The following MDGA2 variants were observed in gnomAD, a reference collection of about 807,000 sequenced individuals.
The protein encoded by MDGA2 is MAM domain-containing glycosylphosphatidylinositol anchor protein 2.
Under a neutral mutation model 117.8 loss-of-function variants are expected in MDGA2, and 40 were observed. That is an observed-to-expected ratio of 0.34 (90% CI 0.26 to 0.44). The LOEUF is 0.44. Among genes scored for constraint, MDGA2 ranks in the 20% least tolerant of loss-of-function variants. The pLI is 1.00. For missense variants in MDGA2, 1,123 were observed against 1,250.6 expected (o/e 0.90, Z 1.54); for synonymous variants, 452 against 439.0 (o/e 1.03, Z -0.37).
chr14:47,448,944 G>T (rs932333125), intron 1 of MDGA2, among the ~76,000 whole-genome samples: 2 of 152,098 alleles, frequency 1.3e-5, no homozygotes, highest in African/African-American at 4.8e-5. Context: ...TTGGAGAACT[G>T]GTTGCTGATA....
intron 14 of MDGA2, among the ~76,000 whole-genome samples, chr14:46,869,848 G>T (rs1306366052): frequency 6.6e-6 from 1 of 151,942 alleles, no homozygotes; most frequent in African/African-American, 2.4e-5. Flanking sequence ...CACATGGTGA[G>T]GAATTGAGGG....
At chr14:47,306,765 C>T (rs781566631) in intron 1 of MDGA2, among the ~76,000 whole-genome samples, 8 of 151,878 alleles carry the variant, frequency 5.3e-5, no homozygotes, top group Non-Finnish European at 1.2e-4. Context: ...GCAAACCATG[C>T]TGTGCCAGCA....
chr14:47,244,483 T>C (rs939693463), intron 2 of MDGA2, among the ~76,000 whole-genome samples: 6 of 151,814 alleles, frequency 4.0e-5, no homozygotes, highest in Non-Finnish European at 8.8e-5. Flanking sequence ...TGGCCACGTA[T>C]ACTAGAATAC....
At position 47,654,938 on chromosome 14, in the gene MDGA2, G is replaced by A. The variant is rs1440475918; in HGVS notation, c.280+19579C>T. On this transcript the variant is annotated intron_variant, in intron 1 of 16. Coordinates refer to ENST00000399232, the MANE Select transcript of MDGA2 (RefSeq NM_001113498.3). Reference sequence around the variant, plus strand: ...GGATAAGAGAGGCATTTTTGATGTGGGAGGACCCTCCCAGGATACAGGATT... The same window carrying A: ...GGATAAGAGAGGCATTTTTGATGTGAGAGGACCCTCCCAGGATACAGGATT... 2.0e-5 allele frequency among the ~76,000 whole-genome samples: 3 copies of A among 152,000 alleles called. No individual in the cohort carries two copies. In the East Asian group the frequency reaches 5.8e-4, roughly 29 times the overall value.
chr14:46,988,721 G>A (rs1317930901), intron 8 of MDGA2, among the ~76,000 whole-genome samples: 2 of 152,070 alleles, frequency 1.3e-5, no homozygotes, highest in African/African-American at 2.4e-5. Context: ...TTAGGGAGAT[G>A]TCATTTATCT....
At chr14:47,023,143 T>A (rs1377158621) in intron 8 of MDGA2, among the ~76,000 whole-genome samples, 3 of 141,962 alleles carry the variant, frequency 2.1e-5, no homozygotes, top group Admixed American at 7.3e-5. Context: ...CTTTCCTGCC[T>A]ATAACAGTTA....
chr14:46,846,588 C>T (rs1275981174), intron 15 of MDGA2, among the ~76,000 whole-genome samples: 1 of 152,046 alleles, frequency 6.6e-6, no homozygotes, highest in African/African-American at 2.4e-5. Flanking sequence ...AATCAGAATC[C>T]TTTATTATTA....
At chr14:47,428,074 A>G (rs2138520441) in intron 1 of MDGA2, among the ~76,000 whole-genome samples, 1 of 152,226 alleles carries the variant, frequency 6.6e-6, no homozygotes, top group Middle Eastern at 3.4e-3. Flanking sequence ...TGATCTGTTC[A>G]CAAGGAAACT....
intron 2 of MDGA2, among the ~76,000 whole-genome samples, chr14:47,233,410 C>G (rs180701159): frequency 3.3e-5 from 5 of 152,052 alleles, no homozygotes; most frequent in Non-Finnish European, 7.4e-5. Flanking sequence ...TCTCTCCTTA[C>G]GCGCTTAGTT....
At chr14:47,218,677 T>C (rs1209062950) in intron 2 of MDGA2, among the ~76,000 whole-genome samples, 1 of 152,132 alleles carries the variant, frequency 6.6e-6, no homozygotes, top group Non-Finnish European at 1.5e-5. Flanking sequence ...AATACCATAA[T>C]GGCTTATTGA....
intron 1 of MDGA2, among the ~76,000 whole-genome samples, chr14:47,336,669 A>T (rs1244069108): frequency 6.6e-6 from 1 of 151,982 alleles, no homozygotes; most frequent in Admixed American, 6.6e-5. Flanking sequence ...TACATTAATA[A>T]TGCAGTAAGA....
intron 1 of MDGA2, among the ~76,000 whole-genome samples, chr14:47,429,303 T>A (rs916715481): frequency 2.0e-5 from 3 of 151,960 alleles, no homozygotes; most frequent in Non-Finnish European, 2.9e-5. Flanking sequence ...CACACATATA[T>A]ATTTTTATAT....
At position 47,091,625 on chromosome 14, in the gene MDGA2, T is replaced by C. The variant is rs376661494; in HGVS notation, c.1195+5229A>G. 1.0e-3 allele frequency among the ~76,000 whole-genome samples: 155 copies of C among 152,192 alleles called. 2 individuals carry two copies. Among genetic ancestry groups the C allele is most frequent in the African/African-American group, 3.5e-3 (147 of 41,542 alleles). ...CCATTTTGGGTGAGATGAAAAGCCA[T>C]GGGAGGAATCTGATCAGGATAATGA... On this transcript the variant is annotated intron_variant, in intron 6 of 16. Coordinates refer to ENST00000399232, the MANE Select transcript of MDGA2 (RefSeq NM_001113498.3).
intron 1 of MDGA2, among the ~76,000 whole-genome samples, chr14:47,619,580 C>T (rs1317490844): frequency 2.0e-5 from 3 of 152,124 alleles, no homozygotes; most frequent in Admixed American, 6.5e-5. Context: ...TTTCGGATGG[C>T]AAACATGGAA....
intron 14 of MDGA2, among the ~76,000 whole-genome samples, chr14:46,866,940 G>T (rs1024465280): frequency 1.3e-5 from 2 of 152,118 alleles, no homozygotes; most frequent in African/African-American, 4.8e-5. Flanking sequence ...TTACACTGTT[G>T]GTGGGACTGT....
intron 3 of MDGA2, among the ~76,000 whole-genome samples, chr14:47,164,832 C>A (rs1883796220): frequency 6.6e-6 from 1 of 152,126 alleles, no homozygotes; most frequent in African/African-American, 2.4e-5. Context: ...TTCACAATAG[C>A]AAAGACTGGG....
At chr14:47,029,617 C>T (rs1181295800) in intron 8 of MDGA2, among the ~76,000 whole-genome samples, 1 of 152,020 alleles carries the variant, frequency 6.6e-6, no homozygotes, top group Non-Finnish European at 1.5e-5. Flanking sequence ...AGGAAGTATA[C>T]TTTGAAATAT....
intron 7 of MDGA2, chr14:47,059,448 A>C (rs1889803771): frequency 6.1e-6 from 3 of 493,278 alleles, no homozygotes; most frequent in Non-Finnish European, 9.9e-6. Context: ...TCTTATTACT[A>C]ATCTTGAATT....
At chr14:47,252,954 C>T (rs1887496509) in intron 2 of MDGA2, among the ~76,000 whole-genome samples, 1 of 152,076 alleles carries the variant, frequency 6.6e-6, no homozygotes, top group Non-Finnish European at 1.5e-5. Context: ...ATATCCTTCT[C>T]ACATGGTGGT....
Sources: allele counts gnomAD v4.1 joint callset (sites outside exome capture counted in the v4.1 genomes callset), GRCh38; gene constraint gnomAD v4.1.1; transcripts MANE v1.5; gene names NCBI Gene and HGNC (gene_info 2026-07-23, HGNC 2026-07-21).